BACH2: variants seen among roughly 807,000 people sequenced by gnomAD.
The protein encoded by BACH2 is BACH transcriptional regulator 2.
In BACH2, 5 loss-of-function variants were observed where a neutral mutation model predicts 61.8. The observed-to-expected ratio is 0.08, with a 90% CI of 0.04 to 0.17. The LOEUF is 0.17. Among genes scored for constraint, BACH2 ranks in the 10% least tolerant of loss-of-function variants. BACH2 has a pLI of 1.00. For synonymous variants in BACH2, 446 were observed against 440.1 expected, an observed-to-expected ratio of 1.01 and a Z score of -0.17; for missense variants, 824 against 1,091.1, an observed-to-expected ratio of 0.76 and a Z score of 3.45.
intron 1 of BACH2, among the ~76,000 whole-genome samples, chr6:90,295,899 T>A (rs1772348570): frequency 6.6e-6 from 1 of 152,090 alleles, no homozygotes; most frequent in African/African-American, 2.4e-5. Context: ...GTCGCGGTGG[T>A]CCGGGCCACC....
At chr6:90,164,403 A>T (rs192411306) in intron 4 of BACH2, among the ~76,000 whole-genome samples, 4 of 152,282 alleles carry the variant, frequency 2.6e-5, no homozygotes, top group Admixed American at 2.0e-4. Context: ...ACAGGTTCTG[A>T]AATTGAGGCA....
intron 2 of BACH2, among the ~76,000 whole-genome samples, chr6:90,269,021 A>G (rs1392017667): frequency 2.6e-5 from 4 of 151,954 alleles, no homozygotes; most frequent in Non-Finnish European, 5.9e-5. Context: ...ACCCCATACA[A>G]CTCCAAAACC....
chr6:90,289,591 T>C lies in BACH2; in HGVS notation c.-446+6889A>G, dbSNP rs116054053. On this transcript the variant is annotated intron_variant, in intron 1 of 8. Transcript: ENST00000257749. ...GGACACACTGGAAGAAGGAGAACTG[T>C]CTTGGGCCACACATAAAATACACTC... Among the ~76,000 whole-genome samples the C allele has an allele frequency of 1.6e-3, 244 of 152,302 alleles. 1 individual carries two copies. The highest frequency in any genetic ancestry group is 5.8e-3 in the African/African-American group (239 of 41,542).
intron 4 of BACH2, among the ~76,000 whole-genome samples, chr6:90,160,942 G>T (rs540826471): frequency 2.0e-5 from 3 of 152,198 alleles, no homozygotes; most frequent in African/African-American, 7.2e-5. Flanking sequence ...ACAAAAATTA[G>T]CTGGGCGTGG....
chr6:90,054,367 C>T (rs996833288), intron 5 of BACH2, among the ~76,000 whole-genome samples: 11 of 152,162 alleles, frequency 7.2e-5, no homozygotes, highest in South Asian at 4.1e-4. Flanking sequence ...TCTCACTCAC[C>T]GCTAGCACAG....
chr6:90,169,185 T>C (rs1767729327), intron 4 of BACH2, among the ~76,000 whole-genome samples: 2 of 152,082 alleles, frequency 1.3e-5, no homozygotes, highest in South Asian at 4.2e-4. Flanking sequence ...AAAAAAAAGA[T>C]TTTCTGAACT....
At chr6:90,100,228 C>T (rs894837568) in intron 4 of BACH2, among the ~76,000 whole-genome samples, 3 of 152,138 alleles carry the variant, frequency 2.0e-5, no homozygotes, top group African/African-American at 7.2e-5. Context: ...ATGAATAATG[C>T]TGCCAAGAAC....
intron 5 of BACH2, among the ~76,000 whole-genome samples, chr6:90,028,780 C>G (rs966860994): frequency 1.1e-4 from 16 of 152,206 alleles, no homozygotes; most frequent in Non-Finnish European, 1.2e-4. Flanking sequence ...CTGGTGCCAG[C>G]CTACCTGGCT....
At chr6:90,123,787 A>G (rs1257923611) in intron 4 of BACH2, among the ~76,000 whole-genome samples, 1 of 149,986 alleles carries the variant, frequency 6.7e-6, no homozygotes, top group Non-Finnish European at 1.5e-5. Context: ...AAAAAAAAAA[A>G]AAAAAAGAAG....
chr6:89,951,528 T>G lies in BACH2; in HGVS notation c.578A>C (p.Glu193Ala), dbSNP rs1774118120. Reference sequence around the variant, plus strand: ...CTCTGCTACGGGGATGGCGGCGGCCTCAAAGCTGATGGGCTCTGGAAGCAT... The same window carrying G: ...CTCTGCTACGGGGATGGCGGCGGCCGCAAAGCTGATGGGCTCTGGAAGCAT... ...DQMLPEPISF[E>A]AAAIPVAEKE... The change falls in exon 7 of 9, where the codon GAG (glutamate) becomes GCG (alanine). Residue 193 changes from glutamate (E) to alanine (A), a missense_variant. Glu to Ala is a moderately radical substitution (Grantham distance 107, BLOSUM62 -1). Around this residue, in one of 8 missense-constraint regions of BACH2, gnomAD observed 107 missense variants for 121.7 expected, o/e 0.88. Transcript: ENST00000257749. This position sits in a 1 kb window ranked among gnomAD's most constrained non-coding sequence, Gnocchi z 6.4. 6.2e-7 allele frequency: 1 copy of G among 1,614,218 alleles called. No individual in the cohort carries two copies. Among genetic ancestry groups the G allele is most frequent in the Middle Eastern group, 1.6e-4 (1 of 6,062 alleles).
intron 5 of BACH2, among the ~76,000 whole-genome samples, chr6:90,060,970 G>A (rs1020458936): frequency 1.2e-3 from 177 of 152,090 alleles, no homozygotes; most frequent in African/African-American, 3.9e-3. Flanking sequence ...TTTTTTCTTA[G>A]ATATTTTCAT....
chr6:90,283,650 C>T (rs904673149), intron 1 of BACH2, among the ~76,000 whole-genome samples: 13 of 152,268 alleles, frequency 8.5e-5, no homozygotes, highest in Non-Finnish European at 1.6e-4. Context: ...GCTGGGATTA[C>T]AGGCGTGAGC....
intron 2 of BACH2, among the ~76,000 whole-genome samples, 155 bp from the exon 3 acceptor site, chr6:90,252,745 G>A (rs1426344389): frequency 1.3e-5 from 2 of 152,128 alleles, no homozygotes; most frequent in Non-Finnish European, 2.9e-5. Flanking sequence ...GTTCTCACAA[G>A]GTTAAAAATA....
At chr6:90,194,707 G>A (rs1397348212) in intron 4 of BACH2, among the ~76,000 whole-genome samples, 1 of 152,168 alleles carries the variant, frequency 6.6e-6, no homozygotes, top group African/African-American at 2.4e-5. Context: ...AGCAGGTGCC[G>A]CAGAAGCCAA....
chr6:90,112,955 C>T (rs958813048), intron 4 of BACH2, among the ~76,000 whole-genome samples: 2 of 152,094 alleles, frequency 1.3e-5, no homozygotes, highest in Non-Finnish European at 2.9e-5. Context: ...GGTTACAATC[C>T]TAATTTCAGA....
At chr6:89,990,652 C>T (rs1369231388) in intron 6 of BACH2, among the ~76,000 whole-genome samples, 1 of 152,140 alleles carries the variant, frequency 6.6e-6, no homozygotes, top group Non-Finnish European at 1.5e-5. Flanking sequence ...CCCCTCCAAC[C>T]TCTGGTCCAT....
intron 6 of BACH2, among the ~76,000 whole-genome samples, chr6:89,971,722 G>T (rs73494910): frequency 6.6e-6 from 1 of 152,176 alleles, no homozygotes; most frequent in Non-Finnish European, 1.5e-5. Context: ...TTACATGGCC[G>T]CTGGCAAAGA....
rs1253691260 is a variant in BACH2 at position 90,085,739 on chromosome 6, C to T, written c.-13+3222G>A. Among the ~76,000 whole-genome samples, 5 of 152,112 alleles carry T rather than the reference C, an allele frequency of 3.3e-5. No homozygotes were observed. The East Asian group carries it at 9.6e-4, about 29-fold the overall frequency. On this transcript the variant is annotated intron_variant, in intron 5 of 8. Transcript: ENST00000257749. ...ACATAATGATCTGTTCTTCCTGCACCCTCACAAACTGCAGCATCCCTATCA... is the reference window on the plus strand; with the variant it reads ...ACATAATGATCTGTTCTTCCTGCACTCTCACAAACTGCAGCATCCCTATCA...
rs949977122 is a variant in BACH2, at chr6:90,138,050, T to C, written c.-161-48941A>G. Among the ~76,000 whole-genome samples, 5 of 97,126 alleles carry C rather than the reference T, an allele frequency of 5.1e-5. No homozygotes were observed. In the South Asian group the frequency reaches 1.5e-3, roughly 30 times the overall value. 63.7% of individuals were successfully genotyped at this position (97,126 alleles called of 152,430 possible). ...TATGAGATCATGACTATTCTAATCA[T>C]AAAACACACACACACACACACACAC... On this transcript the variant is annotated intron_variant, in intron 4 of 8. Transcript: ENST00000257749.
Sources: gnomAD v4.1 joint callset for allele counts (sites outside exome capture counted in the v4.1 genomes callset) on GRCh38, gnomAD v4.1.1 for gene constraint, gnomAD v4.1.1 regional missense constraint, Gnocchi (gnomAD v3.1) non-coding constraint, MANE v1.5 for transcripts, NCBI Gene and HGNC (gene_info 2026-07-23, HGNC 2026-07-21) for gene names.